CEP83: variants seen among roughly 807,000 people sequenced by gnomAD.
The protein encoded by CEP83 is centrosomal protein of 83 kDa.
CEP83 carries 70 observed loss-of-function variants against 101.9 expected under a neutral mutation model. That is an observed-to-expected ratio of 0.69 (90% CI 0.57 to 0.84). The LOEUF (loss-of-function observed/expected upper bound fraction) is 0.84, where lower values mean the gene tolerates loss of function less well. Among genes scored for constraint, CEP83 ranks in the 40% least tolerant of loss-of-function variants. The pLI, the probability that CEP83 is intolerant of heterozygous loss-of-function variation, is 0.00. For missense variants in CEP83, 715 were observed against 787.2 expected (o/e 0.91, Z 1.10); for synonymous variants, 264 against 267.9 (o/e 0.99, Z 0.14).
chr12:94,283,120 C>T, the CEP83 span, among the ~76,000 whole-genome samples: 1 of 151,520 alleles, frequency 6.6e-6, no homozygotes, highest in African/African-American at 2.4e-5. Context: ...CAGGTCCCTG[C>T]CCTCACAGAG....
Position 94,459,858 on chromosome 12 carries a change from C to T in CEP83, c.-456G>A, listed in dbSNP as rs571028689. ...CCCACTCCTCCGCGTGGACCGGGAT[C>T]CTCAGGGGTGCGGCGCCACCCCACG... On this transcript the variant is annotated 5_prime_UTR_variant, in exon 1 of 17. Coordinates refer to ENST00000397809, the MANE Select transcript of CEP83 (RefSeq NM_016122.3). The T allele has an allele frequency of 3.9e-5, 6 of 153,590 alleles. No homozygotes were observed. In the South Asian group the frequency reaches 1.2e-3, roughly 30 times the overall value. The allele number at this position is 153,590 out of a possible 1,614,324, so 9.5% of individuals were successfully genotyped here.
intron 1 of CEP83, among the ~76,000 whole-genome samples, chr12:94,445,333 G>A (rs2066720904): frequency 1.3e-5 from 2 of 151,378 alleles, no homozygotes; most frequent in African/African-American, 4.9e-5. Flanking sequence ...TACAAAAATA[G>A]GATCAAAATA....
intron 6 of CEP83, among the ~76,000 whole-genome samples, chr12:94,380,535 T>C (rs1718822008): frequency 6.6e-6 from 1 of 152,180 alleles, no homozygotes; most frequent in Non-Finnish European, 1.5e-5. Context: ...TTTTATCCAC[T>C]GTATTCTGTC....
intron 14 of CEP83, among the ~76,000 whole-genome samples, chr12:94,322,389 C>G (rs914106323): frequency 3.4e-4 from 52 of 151,978 alleles, no homozygotes; most frequent in African/African-American, 1.2e-3. Context: ...GTCCTGTCCA[C>G]TGAGGAGGAA....
intron 11 of CEP83, among the ~76,000 whole-genome samples, chr12:94,358,574 T>A (rs376376664): frequency 6.6e-6 from 1 of 152,188 alleles, no homozygotes; most frequent in Admixed American, 6.5e-5. Context: ...AATGGGCACA[T>A]AGCTCCAACA....
intron 9 of CEP83, chr12:94,368,423 C>A: frequency 2.2e-6 from 1 of 461,974 alleles, no homozygotes; most frequent in Non-Finnish European, 3.8e-6. Context: ...TTATTTAGTG[C>A]ATACACATAT....
chr12:94,390,923 G>A (rs1333670595), intron 6 of CEP83, among the ~76,000 whole-genome samples: 1 of 152,138 alleles, frequency 6.6e-6, no homozygotes, highest in Admixed American at 6.6e-5. Flanking sequence ...GACAAAGTTA[G>A]AGAAAAAAGA....
chr12:94,322,706 C>T (rs2058800943), intron 14 of CEP83, among the ~76,000 whole-genome samples: 1 of 152,220 alleles, frequency 6.6e-6, no homozygotes, highest in Non-Finnish European at 1.5e-5. Context: ...CTGACCACTT[C>T]TCCTTAGAGC....
the CEP83 span, among the ~76,000 whole-genome samples, chr12:94,283,040 G>A: frequency 6.6e-6 from 1 of 152,218 alleles, no homozygotes; most frequent in African/African-American, 2.4e-5. Context: ...TTGTTTAGCA[G>A]TATTATCTGA....
the CEP83 span, among the ~76,000 whole-genome samples, chr12:94,271,489 G>A: frequency 6.6e-6 from 1 of 152,360 alleles, no homozygotes; most frequent in East Asian, 1.9e-4. Flanking sequence ...AACCGGTAGT[G>A]AAAGGGGAAT....
At chr12:94,447,885 G>A (rs2066922992) in intron 1 of CEP83, among the ~76,000 whole-genome samples, 1 of 151,958 alleles carries the variant, frequency 6.6e-6, no homozygotes, top group South Asian at 2.1e-4. Context: ...CAGAAAGATG[G>A]TAAAGAAAAG....
chr12:94,432,458 A>G (rs1439887675), intron 2 of CEP83, among the ~76,000 whole-genome samples: 1 of 152,178 alleles, frequency 6.6e-6, no homozygotes, highest in African/African-American at 2.4e-5. Flanking sequence ...ATATGGATAA[A>G]GATGGAGATC....
chr12:94,306,403 C>G (rs1446156919), downstream of CEP83: 1 of 151,926 alleles, frequency 6.6e-6, no homozygotes, highest in Non-Finnish European at 1.5e-5. Flanking sequence ...TTTAAAATAC[C>G]CATTTTATTC....
intron 14 of CEP83, among the ~76,000 whole-genome samples, chr12:94,314,732 C>T (rs1261480202): frequency 6.6e-6 from 1 of 152,194 alleles, no homozygotes; most frequent in Non-Finnish European, 1.5e-5. Context: ...TCCTTATGCT[C>T]CTGTCTACCC....
At chr12:94,358,884 G>A (rs772336052) in intron 11 of CEP83, among the ~76,000 whole-genome samples, 14 of 152,212 alleles carry the variant, frequency 9.2e-5, no homozygotes, top group Non-Finnish European at 1.9e-4. Flanking sequence ...TAAAATCTCT[G>A]CAGCAATGTA....
chr12:94,424,458 T>C, intron 2 of CEP83: 1 of 1,614,048 alleles, frequency 6.2e-7, no homozygotes, highest in Admixed American at 1.7e-5. Flanking sequence ...CTGGTCCCAC[T>C]GGTATCTCGA....
chr12:94,334,494 T>C (rs2059372017), intron 12 of CEP83, among the ~76,000 whole-genome samples: 1 of 152,180 alleles, frequency 6.6e-6, no homozygotes. Context: ...AAGTCCTTAT[T>C]TTCCTTTCAC....
At chr12:94,436,352 G>A (rs1188942068) in intron 1 of CEP83, among the ~76,000 whole-genome samples, 1 of 151,664 alleles carries the variant, frequency 6.6e-6, no homozygotes, top group African/African-American at 2.4e-5. Context: ...AACAGGATAT[G>A]GATGAAAAAG....
intron 6 of CEP83, among the ~76,000 whole-genome samples, chr12:94,385,995 T>C (rs2062123211): frequency 6.6e-6 from 1 of 152,182 alleles, no homozygotes; most frequent in East Asian, 1.9e-4. Context: ...CTGTACCATA[T>C]AGGATAGGTA....
Sources: allele counts gnomAD v4.1 joint callset (sites outside exome capture counted in the v4.1 genomes callset), GRCh38; gene constraint gnomAD v4.1.1; transcripts MANE v1.5; gene names NCBI Gene and HGNC (gene_info 2026-07-23, HGNC 2026-07-21).